Variants in MLIP observed in about 807,000 individuals in gnomAD.
MLIP encodes muscular LMNA-interacting protein.
In MLIP, 79 loss-of-function variants were observed where a neutral mutation model predicts 84.8. The ratio of observed to expected loss-of-function variants is 0.93; its 90% CI spans 0.78 to 1.12. The LOEUF (loss-of-function observed/expected upper bound fraction) is 1.12. Among genes scored for constraint, MLIP ranks in the 50% most tolerant of loss-of-function variants. MLIP has a pLI of 0.00. For missense variants in MLIP, 1,257 were observed against 1,160.6 expected, an observed-to-expected ratio of 1.08 and a Z score of -1.21; for synonymous variants, 504 against 463.0, an observed-to-expected ratio of 1.09 and a Z score of -1.14.
rs145607176 is a variant in MLIP at position 54,249,734 on chromosome 6, C to CACATAT, written c.2923-7573_2923-7572insCATATA. Reference sequence around the variant, plus strand: ...GAACACACACACACACACACACACACATATATATATATACACACACACATA... The same window carrying CACATAT: ...GAACACACACACACACACACACACACACATATATATATATATATACACACACACATA... On this transcript the variant is annotated intron_variant, in intron 12 of 13. Transcript: ENST00000502396. Among the ~76,000 whole-genome samples the CACATAT allele has an allele frequency of 3.0e-3, 389 of 127,684 alleles. 3 individuals carry two copies. Among genetic ancestry groups the CACATAT allele is most frequent in the South Asian group, 0.026 (94 of 3,634 alleles). The allele number at this position is 127,684 out of a possible 152,430, so 83.8% of individuals were successfully genotyped here.
At chr6:54,019,213 A>G (rs1763364941) in intron 1 of MLIP, 2 of 944,072 alleles carry the variant, frequency 2.1e-6, no homozygotes, top group South Asian at 1.5e-5. Context: ...CTGGTCAATA[A>G]CTTTAAAATT....
At chr6:54,184,871 T>C (rs889702114) in intron 9 of MLIP, among the ~76,000 whole-genome samples, 1 of 152,164 alleles carries the variant, frequency 6.6e-6, no homozygotes, top group Non-Finnish European at 1.5e-5. Context: ...GAATTTTTAT[T>C]TCACACAAGA....
In MLIP at chr6:54,266,015, C is replaced by G; in HGVS notation, c.*60C>G. ...AGTTTTTTGGAATGCTGGTGCTAACCACTTGCTAGATTTAACTTTTTTTTT... is the reference window on the plus strand; with the variant it reads ...AGTTTTTTGGAATGCTGGTGCTAACGACTTGCTAGATTTAACTTTTTTTTT... On this transcript the variant is annotated 3_prime_UTR_variant, in exon 14 of 14. Transcript: ENST00000502396. 6.4e-7 allele frequency: 1 copy of G among 1,562,012 alleles called. No homozygotes were observed. Among genetic ancestry groups the G allele is most frequent in the Admixed American group, 1.7e-5 (1 of 57,724 alleles).
chr6:54,227,308 C>T (rs1780643122), intron 11 of MLIP, among the ~76,000 whole-genome samples: 1 of 151,922 alleles, frequency 6.6e-6, no homozygotes, highest in African/African-American at 2.4e-5. Flanking sequence ...TGAGAACAGA[C>T]TTATACAGAG....
intron 12 of MLIP, among the ~76,000 whole-genome samples, chr6:54,247,803 C>T (rs1782190888): frequency 6.6e-6 from 1 of 152,084 alleles, no homozygotes; most frequent in South Asian, 2.1e-4. Context: ...CCCCCACATC[C>T]TTAGTGATGC....
intron 1 of MLIP, among the ~76,000 whole-genome samples, chr6:54,077,745 C>T (rs1766889637): frequency 6.6e-6 from 1 of 152,092 alleles, no homozygotes; most frequent in Non-Finnish European, 1.5e-5. Flanking sequence ...CTTGGCATAC[C>T]ACTTATAAAG....
intron 1 of MLIP, among the ~76,000 whole-genome samples, chr6:54,063,600 G>C (rs1342750880): frequency 6.6e-6 from 1 of 151,986 alleles, no homozygotes; most frequent in Non-Finnish European, 1.5e-5. Context: ...GCTTCATCAG[G>C]TCAAATATTG....
At position 54,038,544 on chromosome 6, in the gene MLIP, GTTCTTTTGAGATTATATCATTC is replaced by G. The variant is rs574910641; in HGVS notation, c.63+19454_63+19475del. Among the ~76,000 whole-genome samples, 116 of 151,688 alleles carry G rather than the reference GTTCTTTTGAGATTATATCATTC, an allele frequency of 7.6e-4. 1 individual carries two copies. The Middle Eastern group carries it at 0.01, about 13-fold the overall frequency. ...GTTTATTCAATTTATTAAAAGCTCT[GTTCTTTTGAGATTATATCATTC>G]CTCATTTTTTTGGCTTTAAGATTTT... On this transcript the variant is annotated intron_variant, in intron 1 of 12. Coordinates refer to the MLIP transcript ENST00000274897.
At chr6:54,122,817 A>T (rs139427518) in intron 2 of MLIP, among the ~76,000 whole-genome samples, 14 of 152,326 alleles carry the variant, frequency 9.2e-5, no homozygotes, top group African/African-American at 3.1e-4. Flanking sequence ...TCCTAAGATG[A>T]TAATATTTAT....
At chr6:54,153,512 T>C (rs1773680775) in intron 5 of MLIP, among the ~76,000 whole-genome samples, 1 of 152,100 alleles carries the variant, frequency 6.6e-6, no homozygotes, top group African/African-American at 2.4e-5. Flanking sequence ...TAAACTCCAA[T>C]CTTATTAAAG....
chr6:54,208,162 T>A (rs1049326577), intron 11 of MLIP, among the ~76,000 whole-genome samples: 4 of 152,234 alleles, frequency 2.6e-5, no homozygotes, highest in African/African-American at 9.6e-5. Context: ...TAGAATGTTT[T>A]AATTCTTTAT....
In MLIP at chr6:54,233,980, CTGCA is replaced by C. The variant is rs1781189991; in HGVS notation, c.2922+3065_2922+3068del. Among the ~76,000 whole-genome samples the C allele has an allele frequency of 5.9e-5, 9 of 152,232 alleles. No homozygotes were observed. In the South Asian group the frequency reaches 1.9e-3, roughly 32 times the overall value. On this transcript the variant is annotated intron_variant, in intron 12 of 13. Coordinates refer to ENST00000502396, the MANE Select transcript of MLIP (RefSeq NM_001281747.2). Reference sequence around the variant, plus strand: ...GAGCTTTTCTTCATATGTTTGTTGGCTGCATAAATGTCTTCTTTTGAGAAGTTTC... The same window carrying C: ...GAGCTTTTCTTCATATGTTTGTTGGCTAAATGTCTTCTTTTGAGAAGTTTC...
intron 12 of MLIP, among the ~76,000 whole-genome samples, chr6:54,245,197 G>A (rs1479420039): frequency 1.3e-5 from 2 of 152,162 alleles, no homozygotes; most frequent in Non-Finnish European, 2.9e-5. Context: ...CTTAAAAGCA[G>A]ATCCTGAGAC....
At chr6:54,255,997 G>C (rs1782981829) in intron 12 of MLIP, among the ~76,000 whole-genome samples, 1 of 152,124 alleles carries the variant, frequency 6.6e-6, no homozygotes, top group African/African-American at 2.4e-5. Context: ...GATCTCAGGA[G>C]ACTCTGATGA....
chr6:54,213,518 A>C (rs180815323), intron 11 of MLIP, among the ~76,000 whole-genome samples: 1 of 152,054 alleles, frequency 6.6e-6, no homozygotes, highest in South Asian at 2.1e-4. Context: ...CCTGGCCAAC[A>C]TGGTGAAACC....
chr6:54,096,564 T>C (rs1327583890), intron 1 of MLIP, among the ~76,000 whole-genome samples: 1 of 152,104 alleles, frequency 6.6e-6, no homozygotes, highest in Non-Finnish European at 1.5e-5. Context: ...TGGCTGGATA[T>C]GGGAAGCGCT....
intron 1 of MLIP, among the ~76,000 whole-genome samples, chr6:54,070,839 TTGTAA>T (rs1349861302): frequency 1.3e-5 from 2 of 152,356 alleles, no homozygotes; most frequent in East Asian, 1.9e-4. Context: ...TATGCAACAC[TTGTAA>T]TGTAAAATAT....
At chr6:54,152,628 G>C (rs184362545) in intron 5 of MLIP, among the ~76,000 whole-genome samples, 2 of 152,240 alleles carry the variant, frequency 1.3e-5, no homozygotes, top group East Asian at 3.9e-4. Context: ...GGAATTCTGG[G>C]AGATACAATT....
chr6:54,219,096 C>A (rs1244662813), intron 11 of MLIP, among the ~76,000 whole-genome samples: 1 of 151,610 alleles, frequency 6.6e-6, no homozygotes, highest in Non-Finnish European at 1.5e-5. Context: ...GTCCCAGCTA[C>A]TCGGGAGGCT....
Sources: gnomAD v4.1 joint callset for allele counts (sites outside exome capture counted in the v4.1 genomes callset) on GRCh38, gnomAD v4.1.1 for gene constraint, MANE v1.5 for transcripts, NCBI Gene and HGNC (gene_info 2026-07-23, HGNC 2026-07-21) for gene names.